The following TNS1 variants were observed in gnomAD, a reference collection of about 807,000 sequenced individuals.
TNS1 encodes tensin 1, also known as tensin-1.
TNS1 carries 62 observed loss-of-function variants against 168.6 expected under a neutral mutation model. The observed-to-expected ratio is 0.37, with a 90% CI of 0.30 to 0.45. The LOEUF is 0.45. TNS1 is among the 20% of genes least tolerant of loss of function. The pLI is 1.00. For synonymous variants in TNS1, 934 were observed against 933.2 expected (o/e 1.00, Z -0.02); for missense variants, 2,240 against 2,339.4 (o/e 0.96, Z 0.88).
intron 19 of TNS1, 101 bp downstream of exon 19, chr2:217,847,409 G>C (rs1379205497): frequency 1.7e-6 from 2 of 1,177,774 alleles, no homozygotes; most frequent in Non-Finnish European, 2.2e-6. Context: ...TCCCACCAGT[G>C]AAAGCAACAT....
At chr2:217,930,677 T>C (rs1956274883) in intron 3 of TNS1, among the ~76,000 whole-genome samples, 1 of 151,830 alleles carries the variant, frequency 6.6e-6, no homozygotes, top group South Asian at 2.1e-4. Flanking sequence ...CCGAGGAACA[T>C]AAGAAGATGG....
intron 3 of TNS1, among the ~76,000 whole-genome samples, chr2:217,928,723 A>C (rs1365783286): frequency 6.6e-6 from 1 of 151,296 alleles, no homozygotes; most frequent in African/African-American, 2.4e-5. Context: ...AGCTCCTCTT[A>C]AATCACTGGC....
Position 217,809,899 on chromosome 2 carries a change from C to A in TNS1, c.5197G>T (p.Asp1733Tyr). 1 of 1,613,598 alleles carries A rather than the reference C, an allele frequency of 6.2e-7. No homozygotes were observed. The change falls in exon 30 of 33, where the codon GAC (aspartate) becomes TAC (tyrosine). Residue 1733 changes from aspartate to tyrosine, a missense_variant. Physicochemically the swap from Asp to Tyr is radical, Grantham distance 160. Coordinates refer to ENST00000682258, the MANE Select transcript of TNS1 (RefSeq NM_001387777.1). ...SKATSETLAA[D>Y]PTPAATIVHF... The stretch of plus-strand genomic sequence containing the variant: ...ACGATGGTGGCAGCTGGCGTGGGGT[C>A]TGCAGCCAACGTCTCAGATGTGGCT...
Position 217,991,022 on chromosome 2 carries a change from A to G in TNS1, c.68T>C (p.Phe23Ser), listed in dbSNP as rs1958353040. Reference sequence around the variant, plus strand: ...CACCTTCTTGAAGGTCTTCACCTTGAAGCGGTGTGTCTTGGGGGCCTCCAG... The same window carrying G: ...CACCTTCTTGAAGGTCTTCACCTTGGAGCGGTGTGTCTTGGGGGCCTCCAG... ...EDLEAPKTHRFKVKTFKKVKP... is the reference protein window; with the variant it reads ...EDLEAPKTHRSKVKTFKKVKP... Residue 23 changes from phenylalanine (F) to serine (S), a missense_variant, in exon 2 of 33, where the codon TTC becomes TCC. This residue lies in a region of TNS1 where 2,131 missense variants were observed against 2,171.2 expected (regional missense o/e 0.98). Coordinates refer to ENST00000682258, the MANE Select transcript of TNS1 (RefSeq NM_001387777.1). 2 of 694,008 alleles carry G rather than the reference A, an allele frequency of 2.9e-6. No homozygotes were observed. Among genetic ancestry groups the G allele is most frequent in the African/African-American group, 1.7e-5 (1 of 57,150 alleles). 43.0% of individuals were successfully genotyped at this position (694,008 alleles called of 1,614,324 possible). A position where few individuals can be genotyped will look rare whatever the true frequency, so the allele number is the denominator to read the frequency against.
At position 217,799,943 on chromosome 2, in the gene TNS1, T is replaced by C. The variant is rs949400760; in HGVS notation, c.*4516A>G. The C allele has an allele frequency of 6.6e-6, 1 of 152,194 alleles. No individual in the cohort carries two copies. The highest frequency in any genetic ancestry group is 1.5e-5 in the Non-Finnish European group (1 of 68,046). The allele number at this position is 152,194 out of a possible 1,614,324, so 9.4% of individuals were successfully genotyped here. ...GATTTATACACGGTGGCAGCGGCTA[T>C]AGGCACGATGATACAAAATATAAAG... On this transcript the variant is annotated 3_prime_UTR_variant, in exon 33 of 33. Coordinates refer to ENST00000682258, the MANE Select transcript of TNS1 (RefSeq NM_001387777.1).
rs757944793 is a variant in TNS1 at position 217,813,318 on chromosome 2, G to A, written c.4862-11C>T. On this transcript the variant is annotated splice_polypyrimidine_tract_variant and intron_variant, in intron 26 of 32. Transcript: ENST00000682258. The surrounding 1 kb of genome is among the most constrained non-coding windows in gnomAD (Gnocchi z 4.0). ...CATGGGTCATGTCTCCTGGGACAAAGAGAAAGAAATAAGGCTCAGTCCCTG... is the reference window on the plus strand; with the variant it reads ...CATGGGTCATGTCTCCTGGGACAAAAAGAAAGAAATAAGGCTCAGTCCCTG... The A allele has an allele frequency of 6.4e-7, 1 of 1,567,458 alleles. No homozygotes were observed. The highest frequency in any genetic ancestry group is 8.7e-7 in the Non-Finnish European group (1 of 1,152,644).
intron 18 of TNS1, chr2:217,879,350 A>G (rs1419571782): frequency 4.8e-6 from 2 of 415,604 alleles, no homozygotes; most frequent in East Asian, 1.5e-4. Flanking sequence ...CACAACGACC[A>G]ATTAGGCTGG....
chr2:217,832,348 C>T (rs558086870), intron 21 of TNS1, among the ~76,000 whole-genome samples: 2 of 152,286 alleles, frequency 1.3e-5, no homozygotes, highest in South Asian at 4.1e-4. Context: ...TTCCCATTAG[C>T]CAAGAACCTG....
At chr2:217,878,655 A>G (rs1018113336) in intron 18 of TNS1, among the ~76,000 whole-genome samples, 1 of 152,160 alleles carries the variant, frequency 6.6e-6, no homozygotes, top group Admixed American at 6.5e-5. Flanking sequence ...GACCCCCAAG[A>G]AAACACCACA....
intron 3 of TNS1, among the ~76,000 whole-genome samples, chr2:217,925,215 T>TC (rs1234890953): frequency 1.3e-5 from 2 of 152,200 alleles, no homozygotes; most frequent in Non-Finnish European, 2.9e-5. Flanking sequence ...TGTAAATAAA[T>TC]CTTTTTTTTG....
intron 17 of TNS1, 52 bp from the exon 18 acceptor site, chr2:217,881,066 A>G (rs748884712): frequency 7.8e-7 from 1 of 1,282,902 alleles, no homozygotes; most frequent in East Asian, 2.3e-5. Flanking sequence ...GCAGAGAGGG[A>G]AAAGAGATCA....
In TNS1 at chr2:218,031,018, GTGTGTA is replaced by G. The variant is rs544891699; in HGVS notation, c.156+2796_156+2801del. Among the ~76,000 whole-genome samples, 1,181 of 147,138 alleles carry G rather than the reference GTGTGTA, an allele frequency of 8.0e-3. 22 individuals are homozygous for G. The highest frequency in any genetic ancestry group is 0.04 in the Admixed American group (590 of 14,706). Reference sequence around the variant, plus strand: ...TATGAGTGTGAGTGTGGGAGTGTATGTGTGTATGTGTGTGTATGTGAGTGAGCATGT... The same window carrying G: ...TATGAGTGTGAGTGTGGGAGTGTATGTGTGTGTGTATGTGAGTGAGCATGT... On this transcript the variant is annotated intron_variant, in intron 1 of 1. Coordinates refer to the TNS1 transcript ENST00000649572.
chr2:217,865,132 G>A (rs546844176), intron 18 of TNS1, among the ~76,000 whole-genome samples: 1 of 152,274 alleles, frequency 6.6e-6, no homozygotes, highest in East Asian at 1.9e-4. Flanking sequence ...TGTGAGAGGT[G>A]ACTATGAGTC....
intron 1 of TNS1, among the ~76,000 whole-genome samples, chr2:218,026,912 G>A (rs936251122): frequency 8.5e-5 from 13 of 152,234 alleles, no homozygotes; most frequent in South Asian, 2.1e-4. Context: ...AGGACATGGC[G>A]GAGGGCCAGC....
chr2:217,810,283 G>T lies in TNS1; in HGVS notation c.5069C>A (p.Ala1690Asp), dbSNP rs748956121. 1.2e-6 allele frequency: 2 copies of T among 1,614,048 alleles called. No homozygotes were observed. Among genetic ancestry groups the T allele is most frequent in the Non-Finnish European group, 1.7e-6 (2 of 1,180,036 alleles). Reference sequence around the variant, plus strand: ...TTTCAGCAGGTCTGCAGTTGAGTTGGCAGGGCCGGAGCTATCTTTCGATTC... The same window carrying T: ...TTTCAGCAGGTCTGCAGTTGAGTTGTCAGGGCCGGAGCTATCTTTCGATTC... ...TDESKDSSGP[A>D]NSTADLLKQG... Residue 1690 changes from alanine to aspartate, a missense_variant, in exon 29 of 33, where the codon GCC becomes GAC. Ala to Asp is a moderately radical substitution (Grantham distance 126). Around this residue, in one of 2 missense-constraint regions of TNS1, gnomAD observed 2,131 missense variants for 2,171.2 expected, o/e 0.98. Coordinates refer to ENST00000682258, the MANE Select transcript of TNS1 (RefSeq NM_001387777.1).
At chr2:217,903,703 C>G (rs1953300893) in intron 6 of TNS1, 2 of 1,066,896 alleles carry the variant, frequency 1.9e-6, no homozygotes, top group Non-Finnish European at 1.4e-6. Flanking sequence ...CAGGAATTTC[C>G]TCCTGGTATC....
At position 217,885,001 on chromosome 2, in the gene TNS1, G is replaced by A. The variant is rs918559669; in HGVS notation, c.1246+34C>T. 9.9e-6 allele frequency: 16 copies of A among 1,612,612 alleles called. No homozygotes were observed. In the Admixed American group the frequency reaches 1.0e-4, roughly 10 times the overall value. On this transcript the variant is annotated intron_variant, in intron 16 of 32. Transcript: ENST00000682258. Reference sequence around the variant, plus strand: ...ACTGAGCTCCTCTCCCTGCCACAGGGGTGCCCACCCCCAGCTCCACTCAAG... The same window carrying A: ...ACTGAGCTCCTCTCCCTGCCACAGGAGTGCCCACCCCCAGCTCCACTCAAG...
At chr2:217,833,182 C>T (rs140569711) in intron 21 of TNS1, among the ~76,000 whole-genome samples, 18 of 152,324 alleles carry the variant, frequency 1.2e-4, no homozygotes, top group African/African-American at 3.8e-4. Flanking sequence ...ACTGGTGCAG[C>T]GGAGGCGCAG....
At chr2:217,970,540 C>T (rs544732940) in intron 3 of TNS1, among the ~76,000 whole-genome samples, 1 of 152,274 alleles carries the variant, frequency 6.6e-6, no homozygotes, top group African/African-American at 2.4e-5. Context: ...ATGGGCTACA[C>T]TCATATAATG....
Sources: gnomAD v4.1 joint callset for allele counts (sites outside exome capture counted in the v4.1 genomes callset) on GRCh38, gnomAD v4.1.1 for gene constraint, gnomAD v4.1.1 regional missense constraint, Gnocchi (gnomAD v3.1) non-coding constraint, MANE v1.5 for transcripts, NCBI Gene and HGNC (gene_info 2026-07-23, HGNC 2026-07-21) for gene names.